Variants in PDE4D observed in about 807,000 individuals in gnomAD.
PDE4D encodes the protein 3',5'-cyclic-AMP phosphodiesterase 4D.
PDE4D carries 24 observed loss-of-function variants against 87.4 expected under a neutral mutation model. That is an observed-to-expected ratio of 0.27 (90% confidence interval 0.20 to 0.39). The LOEUF (loss-of-function observed/expected upper bound fraction) is 0.39, where lower values mean the gene tolerates loss of function less well. Ranked by LOEUF, PDE4D falls within the 10% of genes least tolerant of loss-of-function variation. PDE4D has a pLI of 1.00. For missense variants in PDE4D, 714 were observed against 1,041.0 expected (o/e 0.69, Z 4.32); for synonymous variants, 384 against 383.2 (o/e 1.00, Z -0.02).
chr5:59,222,128 G>T (rs989966506), intron 1 of PDE4D, among the ~76,000 whole-genome samples: 2 of 152,090 alleles, frequency 1.3e-5, no homozygotes, highest in Non-Finnish European at 2.9e-5. Flanking sequence ...ACTGACGAAT[G>T]AACTAATTAC....
intron 2 of PDE4D, among the ~76,000 whole-genome samples, chr5:60,110,374 A>G (rs1777547597): frequency 1.3e-5 from 2 of 152,156 alleles, no homozygotes; most frequent in African/African-American, 2.4e-5. Context: ...CTGAATAGAC[A>G]CTTTTCAAAA....
intron 5 of PDE4D, among the ~76,000 whole-genome samples, chr5:59,175,720 C>T (rs939717466): frequency 6.6e-6 from 1 of 151,120 alleles, no homozygotes; most frequent in Non-Finnish European, 1.5e-5. Context: ...CCTGGTGATC[C>T]ACCCGCCTTG....
intron 1 of PDE4D, chr5:59,768,731 T>C: frequency 8.9e-7 from 1 of 1,120,506 alleles, no homozygotes; most frequent in Non-Finnish European, 1.2e-6. Context: ...CCCAAGCCCC[T>C]GCCAAAGATC....
chr5:59,913,093 T>C (rs959475200), intron 3 of PDE4D, among the ~76,000 whole-genome samples: 2 of 152,118 alleles, frequency 1.3e-5, no homozygotes, highest in Non-Finnish European at 2.9e-5. Context: ...AATGACCAGA[T>C]GGTAAGCCAT....
chr5:60,034,554 A>G (rs1016633323), intron 2 of PDE4D, among the ~76,000 whole-genome samples: 2 of 152,162 alleles, frequency 1.3e-5, no homozygotes, highest in Non-Finnish European at 1.5e-5. Context: ...TGCCTGGATC[A>G]TCAAGGAAAA....
intron 1 of PDE4D, among the ~76,000 whole-genome samples, chr5:59,616,719 CAA>C: frequency 6.6e-6 from 1 of 151,492 alleles, no homozygotes; most frequent in East Asian, 1.9e-4. Flanking sequence ...TAGCAGGTTT[CAA>C]ATATAATTGC....
At chr5:59,217,423 A>T in intron 1 of PDE4D, 1 of 362,250 alleles carries the variant, frequency 2.8e-6, no homozygotes, top group South Asian at 2.2e-5. Flanking sequence ...AGATTGGAAG[A>T]TGTTTCATGG....
At chr5:59,436,896 G>A (rs966535086) in intron 1 of PDE4D, among the ~76,000 whole-genome samples, 3 of 152,120 alleles carry the variant, frequency 2.0e-5, no homozygotes, top group Admixed American at 6.5e-5. Context: ...CCACATGGAC[G>A]GATACCTTAG....
At chr5:59,476,253 G>A (rs1803279031) in intron 1 of PDE4D, among the ~76,000 whole-genome samples, 1 of 152,044 alleles carries the variant, frequency 6.6e-6, no homozygotes, top group Non-Finnish European at 1.5e-5. Flanking sequence ...ATGTGATGTG[G>A]TGGGAGGGGA....
intron 1 of PDE4D, among the ~76,000 whole-genome samples, chr5:59,341,625 C>A (rs1778741240): frequency 6.6e-6 from 1 of 152,132 alleles, no homozygotes; most frequent in East Asian, 1.9e-4. Flanking sequence ...ATATATAATG[C>A]GTATGCAAAC....
chr5:58,985,824 C>G (rs544453120), intron 11 of PDE4D, among the ~76,000 whole-genome samples: 1 of 152,180 alleles, frequency 6.6e-6, no homozygotes, highest in African/African-American at 2.4e-5. Flanking sequence ...AAATATTTCA[C>G]GAAGCTACAT....
intron 1 of PDE4D, among the ~76,000 whole-genome samples, chr5:59,394,553 G>T (rs538885961): frequency 6.6e-6 from 1 of 152,216 alleles, no homozygotes; most frequent in Non-Finnish European, 1.5e-5. Context: ...GAACACAAAA[G>T]TTAATTAACA....
chr5:60,049,641 T>A (rs1172003148), intron 2 of PDE4D, among the ~76,000 whole-genome samples: 1 of 152,220 alleles, frequency 6.6e-6, no homozygotes, highest in Non-Finnish European at 1.5e-5. Context: ...GGTGTCAGTC[T>A]GCCCCTGCTG....
At chr5:59,878,516 T>C (rs1031705292) in intron 1 of PDE4D, among the ~76,000 whole-genome samples, 1 of 152,220 alleles carries the variant, frequency 6.6e-6, no homozygotes, top group African/African-American at 2.4e-5. Context: ...TGTTGCTATA[T>C]TGCCCAGGCT....
chr5:60,450,775 C>G (rs1746038624), intron 1 of PDE4D, among the ~76,000 whole-genome samples: 1 of 152,056 alleles, frequency 6.6e-6, no homozygotes, highest in East Asian at 1.9e-4. Flanking sequence ...ATGGTGATAT[C>G]TATCTTCAAC....
At chr5:59,758,544 G>A (rs886542436) in intron 1 of PDE4D, among the ~76,000 whole-genome samples, 1 of 152,100 alleles carries the variant, frequency 6.6e-6, no homozygotes, top group Admixed American at 6.6e-5. Flanking sequence ...ATTTACAGTA[G>A]AAGAGACTGA....
intron 11 of PDE4D, among the ~76,000 whole-genome samples, chr5:58,984,002 G>GCAGA (rs1745839842): frequency 6.6e-6 from 1 of 152,208 alleles, no homozygotes; most frequent in Non-Finnish European, 1.5e-5. Context: ...TAAGACTGGG[G>GCAGA]CAGACACTAT....
At chr5:59,371,323 G>A (rs1024330274) in intron 1 of PDE4D, among the ~76,000 whole-genome samples, 1 of 152,160 alleles carries the variant, frequency 6.6e-6, no homozygotes, top group African/African-American at 2.4e-5. Flanking sequence ...AATAAAAGCA[G>A]AATTAATTTC....
At chr5:60,431,150 G>C (rs1243328545) in intron 1 of PDE4D, 1 of 203,006 alleles carries the variant, frequency 4.9e-6, no homozygotes, top group East Asian at 1.8e-4. Flanking sequence ...TCCCGGATGG[G>C]GTGGCTGGCC....
Sources: allele counts gnomAD v4.1 joint callset (sites outside exome capture counted in the v4.1 genomes callset), GRCh38; gene constraint gnomAD v4.1.1; transcripts MANE v1.5; gene names NCBI Gene and HGNC (gene_info 2026-07-23, HGNC 2026-07-21).